CERS5: variants seen among roughly 807,000 people sequenced by gnomAD.
The protein encoded by CERS5 is LAG1 homolog, ceramide synthase 5.
CERS5 carries 37 observed loss-of-function variants against 58.9 expected under a neutral mutation model. The observed-to-expected ratio is 0.63, with a 90% CI of 0.48 to 0.83. The LOEUF (loss-of-function observed/expected upper bound fraction) is 0.83, where lower values mean the gene tolerates loss of function less well. CERS5 is among the 40% of genes least tolerant of loss of function. CERS5 has a pLI of 0.00. For missense variants in CERS5, 398 were observed against 489.3 expected (o/e 0.81, Z 1.76); for synonymous variants, 147 against 177.8 (o/e 0.83, Z 1.38).
intron 6 of CERS5, among the ~76,000 whole-genome samples, chr12:50,137,382 CT>C (rs1452682630): frequency 6.6e-6 from 1 of 152,140 alleles, no homozygotes; most frequent in African/African-American, 2.4e-5. Flanking sequence ...CCATATCCAG[CT>C]TTTCTGGAAT....
At chr12:50,161,431 T>C (rs1939248249) in intron 1 of CERS5, among the ~76,000 whole-genome samples, 1 of 152,176 alleles carries the variant, frequency 6.6e-6, no homozygotes, top group Non-Finnish European at 1.5e-5. Flanking sequence ...ACTATGTATC[T>C]AGGCACATAG....
chr12:50,142,078 C>T lies in CERS5; in HGVS notation c.467G>A (p.Cys156Tyr), dbSNP rs2138082972. The T allele has an allele frequency of 6.2e-7, 1 of 1,605,410 alleles. No homozygotes were observed. The highest frequency in any genetic ancestry group is 8.5e-7 in the Non-Finnish European group (1 of 1,172,948). ...WRFTFYLCIFCYGIRFLWSSP... is the reference protein window; with the variant it reads ...WRFTFYLCIFYYGIRFLWSSP... The stretch of plus-strand genomic sequence containing the variant: ...CGACCAGAGAAATCTAATTCCATAG[C>T]AGAATATACATAAATAAAATGTGAA... The change falls in exon 4 of 10, where the codon TGC (cysteine) becomes TAC (tyrosine). Residue 156 changes from cysteine to tyrosine, a missense_variant. Coordinates refer to ENST00000317551, the MANE Select transcript of CERS5 (RefSeq NM_147190.5).
At chr12:50,131,361 C>A (rs1951306693) in intron 9 of CERS5, among the ~76,000 whole-genome samples, 1 of 151,904 alleles carries the variant, frequency 6.6e-6, no homozygotes, top group South Asian at 2.1e-4. Context: ...GAGTTTGAGA[C>A]CAGCCTGAGC....
chr12:50,131,574 A>G (rs1308551118), intron 9 of CERS5, among the ~76,000 whole-genome samples: 17 of 125,520 alleles, frequency 1.4e-4, no homozygotes, highest in East Asian at 6.0e-4. Flanking sequence ...AAAAAAAAAA[A>G]AAAGAAAAAA....
At chr12:50,132,153 A>C (rs553906613) in intron 9 of CERS5, among the ~76,000 whole-genome samples, 2 of 151,462 alleles carry the variant, frequency 1.3e-5, no homozygotes, top group South Asian at 4.2e-4. Flanking sequence ...TAATCCCAGC[A>C]CTTTGGGAGG....
intron 1 of CERS5, among the ~76,000 whole-genome samples, chr12:50,158,060 C>CAAAA (rs11388385): frequency 1.2e-5 from 1 of 81,352 alleles, no homozygotes; most frequent in Non-Finnish European, 2.3e-5. Context: ...AGACCATGAC[C>CAAAA]AAAAAAAAAA....
intron 1 of CERS5, chr12:50,165,975 G>A (rs1471035260): frequency 2.2e-6 from 1 of 453,756 alleles, no homozygotes; most frequent in Non-Finnish European, 4.4e-6. Flanking sequence ...TTCACTTAAA[G>A]GTGAAATCAT....
At chr12:50,135,065 G>A (rs1215944872) in intron 8 of CERS5, among the ~76,000 whole-genome samples, 1 of 149,180 alleles carries the variant, frequency 6.7e-6, no homozygotes, top group Non-Finnish European at 1.5e-5. Flanking sequence ...TTCCCATAGA[G>A]CAGTGAATGT....
intron 3 of CERS5, 51 bp from the exon 4 acceptor site, chr12:50,142,161 C>G (rs373934242): frequency 3.1e-6 from 4 of 1,282,332 alleles, no homozygotes; most frequent in African/African-American, 1.5e-5. Context: ...AAACCAAAGC[C>G]TCTGAGGCTA....
chr12:50,144,557 G>A (rs999623593), intron 1 of CERS5: 20 of 384,784 alleles, frequency 5.2e-5, no homozygotes, highest in Non-Finnish European at 4.6e-5. Context: ...GGGAAAAGTA[G>A]AACTGAGACT....
At chr12:50,143,344 T>C (rs1476065337) in intron 2 of CERS5, 140 bp from the exon 3 acceptor site, 2 of 975,182 alleles carry the variant, frequency 2.1e-6, no homozygotes, top group South Asian at 1.6e-5. Context: ...CCCAAAGTCA[T>C]TTTTAGTAAG....
intron 2 of CERS5, 170 bp downstream of exon 2, chr12:50,143,782 A>G (rs890580518): frequency 1.3e-5 from 7 of 537,740 alleles, no homozygotes; most frequent in African/African-American, 1.1e-4. Flanking sequence ...GTAGGGCCCA[A>G]AGGTTTTCCC....
At chr12:50,161,474 T>C (rs559551473) in intron 1 of CERS5, among the ~76,000 whole-genome samples, 4 of 152,168 alleles carry the variant, frequency 2.6e-5, no homozygotes, top group Admixed American at 2.6e-4. Context: ...AATAATGATA[T>C]GAAACAAACA....
At position 50,144,041 on chromosome 12, in the gene CERS5, AG is replaced by A; in HGVS notation, c.213del (p.Cys72ValfsTer144). ...TCCTCGATGCCAATACAGAGTGCAC[AG>A]GGTTTGGCAATAAATCTGTAATGGA... ...RLLFERFIAK[P>X]CALCIGIEDS... On this transcript the variant is annotated frameshift_variant, in exon 2 of 10. Coordinates refer to ENST00000317551, the MANE Select transcript of CERS5 (RefSeq NM_147190.5). LOFTEE classifies it high-confidence loss of function. 1 of 1,609,426 alleles carries A rather than the reference AG, an allele frequency of 6.2e-7. No homozygotes were observed. The highest frequency in any genetic ancestry group is 8.5e-7 in the Non-Finnish European group (1 of 1,175,784).
At chr12:50,158,780 T>G (rs1438625461) in intron 1 of CERS5, among the ~76,000 whole-genome samples, 1 of 152,190 alleles carries the variant, frequency 6.6e-6, no homozygotes, top group East Asian at 1.9e-4. Flanking sequence ...TAATTGCGAC[T>G]GCTTACTAAT....
At position 50,129,828 on chromosome 12, in the gene CERS5, C is replaced by CCGTG. The variant is rs2137965014; in HGVS notation, c.*716_*717insCACG. 7.6e-6 allele frequency: 1 copy of CCGTG among 130,872 alleles called. No homozygotes were observed. Among genetic ancestry groups the CCGTG allele is most frequent in the East Asian group, 2.5e-4 (1 of 4,006 alleles). 8.1% of individuals were successfully genotyped at this position (130,872 alleles called of 1,614,324 possible). A position where few individuals can be genotyped will look rare whatever the true frequency, so the allele number is the denominator to read the frequency against. On this transcript the variant is annotated 3_prime_UTR_variant, in exon 10 of 10. Transcript: ENST00000317551. ...TGAAGCACTTTTAATCACAAACAAA[C>CCGTG]AATAGTATAAGACCGTGAACAGCTC...
chr12:50,146,157 A>C (rs1952256045), intron 1 of CERS5, among the ~76,000 whole-genome samples: 2 of 152,212 alleles, frequency 1.3e-5, no homozygotes, highest in Non-Finnish European at 2.9e-5. Context: ...AGATTTTACC[A>C]GCTGAAAGAC....
intron 9 of CERS5, chr12:50,133,274 T>C: frequency 9.1e-7 from 1 of 1,103,056 alleles, no homozygotes; most frequent in African/African-American, 1.6e-5. Flanking sequence ...TGTATTCCTT[T>C]AGGCTGAAAT....
intron 1 of CERS5, among the ~76,000 whole-genome samples, chr12:50,146,419 A>G (rs1952269250): frequency 6.6e-6 from 1 of 152,174 alleles, no homozygotes. Context: ...CGGTGAAGCC[A>G]ATTTTAAAAT....
Sources: gnomAD v4.1 joint callset for allele counts (sites outside exome capture counted in the v4.1 genomes callset) on GRCh38, gnomAD v4.1.1 for gene constraint, MANE v1.5 for transcripts, NCBI Gene and HGNC (gene_info 2026-07-23, HGNC 2026-07-21) for gene names.